Variants in SPON1 observed in about 807,000 individuals in gnomAD.
SPON1 encodes spondin 1, also known as spondin-1.
SPON1 carries 52 observed loss-of-function variants against 111.7 expected under a neutral mutation model. That is an observed-to-expected ratio of 0.47 (90% CI 0.37 to 0.59). SPON1 has a LOEUF of 0.59. Among genes scored for constraint, SPON1 ranks in the 20% least tolerant of loss-of-function variants. The pLI is 0.00. For synonymous variants in SPON1, 410 were observed against 395.8 expected (o/e 1.04, Z -0.43); for missense variants, 957 against 1,068.5 (o/e 0.90, Z 1.46).
At chr11:14,126,094 T>A (rs1407683924) in intron 5 of SPON1, among the ~76,000 whole-genome samples, 1 of 152,184 alleles carries the variant, frequency 6.6e-6, no homozygotes, top group African/African-American at 2.4e-5. Context: ...TCTATTCAGG[T>A]CTTCAGCTGA....
chr11:14,124,580 A>C (rs1419384461), intron 5 of SPON1, among the ~76,000 whole-genome samples: 1 of 152,174 alleles, frequency 6.6e-6, no homozygotes. Flanking sequence ...TGTCTCTATG[A>C]CCTGGCACAG....
At chr11:14,054,602 G>T (rs1260369264) in intron 3 of SPON1, among the ~76,000 whole-genome samples, 1 of 150,408 alleles carries the variant, frequency 6.6e-6, no homozygotes, top group Admixed American at 6.6e-5. Context: ...AGGGTGTTTT[G>T]TGGTAATTAC....
At chr11:14,121,507 C>T (rs113730298) in intron 5 of SPON1, among the ~76,000 whole-genome samples, 7 of 152,116 alleles carry the variant, frequency 4.6e-5, no homozygotes, top group African/African-American at 1.4e-4. Flanking sequence ...TCAGACTGAC[C>T]TTCCTGAAAA....
intron 5 of SPON1, among the ~76,000 whole-genome samples, chr11:14,087,532 T>C (rs147356421): frequency 0.01 from 1,541 of 152,334 alleles, 28 homozygotes; most frequent in African/African-American, 0.036. Context: ...ATTTCTGTTC[T>C]TTTGCATTTT....
At chr11:14,252,086 A>T (rs534704158) in intron 7 of SPON1, among the ~76,000 whole-genome samples, 1 of 152,356 alleles carries the variant, frequency 6.6e-6, no homozygotes, top group South Asian at 2.1e-4. Flanking sequence ...ATCTAAAGCT[A>T]GAAGTGGAGG....
chr11:14,263,546 T>C (rs1554942140), intron 15 of SPON1, among the ~76,000 whole-genome samples: 1 of 152,196 alleles, frequency 6.6e-6, no homozygotes, highest in African/African-American at 2.4e-5. Context: ...CAGTGTCATG[T>C]CAGCCTTGAG....
chr11:14,122,733 A>C (rs1554926626), intron 5 of SPON1, among the ~76,000 whole-genome samples: 1 of 152,184 alleles, frequency 6.6e-6, no homozygotes, highest in Non-Finnish European at 1.5e-5. Flanking sequence ...TTTTTAAAAT[A>C]GTTTTTATTT....
intron 6 of SPON1, among the ~76,000 whole-genome samples, chr11:14,153,076 G>T (rs1184213329): frequency 1.3e-5 from 2 of 152,144 alleles, no homozygotes; most frequent in African/African-American, 4.8e-5. Flanking sequence ...GCCTGGTTTA[G>T]AACTTTATTA....
chr11:13,979,887 C>A (rs186549060), intron 1 of SPON1, among the ~76,000 whole-genome samples: 31 of 152,304 alleles, frequency 2.0e-4, no homozygotes, highest in African/African-American at 7.2e-4. Flanking sequence ...CCCACCCTCA[C>A]CCTAGAGAGT....
chr11:14,071,840 C>A (rs1401430520), intron 3 of SPON1, among the ~76,000 whole-genome samples: 3 of 151,974 alleles, frequency 2.0e-5, no homozygotes, highest in African/African-American at 7.2e-5. Flanking sequence ...GTCTCCCAAG[C>A]AGCATGGGCC....
At chr11:13,988,733 G>A (rs892039841) in intron 2 of SPON1, among the ~76,000 whole-genome samples, 19 of 152,194 alleles carry the variant, frequency 1.2e-4, no homozygotes, top group Middle Eastern at 3.4e-3. Context: ...TTAATACCTA[G>A]TTTATTGAGA....
chr11:13,968,727 G>A (rs903355260), intron 1 of SPON1, among the ~76,000 whole-genome samples: 9 of 152,082 alleles, frequency 5.9e-5, no homozygotes, highest in African/African-American at 2.2e-4. Flanking sequence ...AGCATGCAGT[G>A]GACTGGGGGG....
At chr11:14,090,670 G>A (rs12806181) in intron 5 of SPON1, among the ~76,000 whole-genome samples, 38,762 of 151,786 alleles carry the variant, frequency 0.26, 5,892 homozygotes, top group South Asian at 0.41. Context: ...AGATCTTCAC[G>A]GTGAGTGTTA....
chr11:14,146,516 T>TC (rs200949717), intron 6 of SPON1, among the ~76,000 whole-genome samples: 2 of 151,866 alleles, frequency 1.3e-5, no homozygotes, highest in Admixed American at 1.3e-4. Context: ...AACCAAATAT[T>TC]CCCCCCAAAA....
chr11:14,083,100 T>G (rs1345768883), intron 5 of SPON1, among the ~76,000 whole-genome samples: 3 of 152,120 alleles, frequency 2.0e-5, no homozygotes, highest in African/African-American at 7.2e-5. Flanking sequence ...ACCTAGTAAA[T>G]TAAAAATAAT....
At position 14,093,574 on chromosome 11, in the gene SPON1, A is replaced by G. The variant is rs567136342; in HGVS notation, c.676+13553A>G. Among the ~76,000 whole-genome samples the G allele has an allele frequency of 1.2e-4, 19 of 152,360 alleles. No individual in the cohort carries two copies. The South Asian group carries it at 1.4e-3, about 12-fold the overall frequency. Reference sequence around the variant, plus strand: ...TTTTCCGTTTGACAATACATTGCCTAAAATATAAATACAGCAATTGGGAAA... The same window carrying G: ...TTTTCCGTTTGACAATACATTGCCTGAAATATAAATACAGCAATTGGGAAA... On this transcript the variant is annotated intron_variant, in intron 5 of 15. Transcript: ENST00000576479.
chr11:14,131,928 C>G (rs1321970726), intron 5 of SPON1, among the ~76,000 whole-genome samples: 1 of 152,220 alleles, frequency 6.6e-6, no homozygotes, highest in African/African-American at 2.4e-5. Context: ...ATTCCTTCCC[C>G]CTGGCCAAGT....
intron 15 of SPON1, among the ~76,000 whole-genome samples, chr11:14,263,447 C>T (rs1255601153): frequency 1.3e-5 from 2 of 152,130 alleles, no homozygotes; most frequent in Non-Finnish European, 2.9e-5. Flanking sequence ...AACACATCAT[C>T]TTCCATTTTA....
At chr11:13,994,889 A>T (rs968753489) in intron 2 of SPON1, among the ~76,000 whole-genome samples, 20 of 152,244 alleles carry the variant, frequency 1.3e-4, no homozygotes, top group Non-Finnish European at 5.9e-5. Context: ...CCATTCTGAG[A>T]GAGCCCACAA....
Sources: allele counts gnomAD v4.1 joint callset (sites outside exome capture counted in the v4.1 genomes callset), GRCh38; gene constraint gnomAD v4.1.1; transcripts MANE v1.5; gene names NCBI Gene and HGNC (gene_info 2026-07-23, HGNC 2026-07-21).